The following BSND variants were observed in gnomAD, a reference collection of about 807,000 sequenced individuals.
The protein encoded by BSND is barttin CLCNK type accessory subunit beta, also known as barttin.
A neutral mutation model predicts 18.8 loss-of-function variants in BSND; 13 were observed. That is an observed-to-expected ratio of 0.69 (90% CI 0.45 to 1.10). The LOEUF (loss-of-function observed/expected upper bound fraction) is 1.10, where lower values mean the gene tolerates loss of function less well. BSND is among the 50% of genes least tolerant of loss of function. The pLI is 0.00. For synonymous variants in BSND, 170 were observed against 161.8 expected (o/e 1.05, Z -0.39); for missense variants, 379 against 416.7 (o/e 0.91, Z 0.79).
chr1:55,005,633 T>A (rs1644385853), intron 2 of BSND, among the ~76,000 whole-genome samples: 1 of 152,134 alleles, frequency 6.6e-6, no homozygotes, highest in Admixed American at 6.5e-5. Flanking sequence ...ATAGGCAGAG[T>A]GCTAAGAACA....
intron 1 of BSND, among the ~76,000 whole-genome samples, chr1:55,000,562 C>T (rs1644356552): frequency 6.6e-6 from 1 of 152,232 alleles, no homozygotes; most frequent in African/African-American, 2.4e-5. Context: ...CTCCTCCCAC[C>T]TGGGTGGCTG....
chr1:55,001,174 C>T (rs562976703), intron 1 of BSND, among the ~76,000 whole-genome samples: 12 of 150,152 alleles, frequency 8.0e-5, no homozygotes, highest in African/African-American at 2.5e-4. Flanking sequence ...GAGCCTTGTA[C>T]GGCTGATTGG....
chr1:55,005,205 G>A, intron 2 of BSND, 89 bp downstream of exon 2: 2 of 1,216,506 alleles, frequency 1.6e-6, no homozygotes, highest in Non-Finnish European at 1.2e-6. Context: ...GGGCAGGAAG[G>A]CTGTTTGCCT....
In BSND at chr1:55,009,439, C is replaced by G. The variant is rs1251804628; in HGVS notation, c.*811C>G. On this transcript the variant is annotated 3_prime_UTR_variant, in exon 4 of 4. Transcript: ENST00000651561. ...TGAAGGGCAGCATCTTGACTTTACT[C>G]ACCTTGAGATCGCCTGTGCCCAGAT... is the stretch of plus-strand genomic sequence containing the variant. The G allele has an allele frequency of 6.6e-6, 1 of 152,436 alleles. No homozygotes were observed. The highest frequency in any genetic ancestry group is 1.5e-5 in the Non-Finnish European group (1 of 68,210). The allele number at this position is 152,436 out of a possible 1,614,324, so 9.4% of individuals were successfully genotyped here.
In BSND at chr1:55,008,804, T is replaced by G; in HGVS notation, c.*176T>G. On this transcript the variant is annotated 3_prime_UTR_variant, in exon 4 of 4. Transcript: ENST00000651561. Reference sequence around the variant, plus strand: ...GGGGATGATGACTATTAGTGGACTCTTGTTTTTCCAATAGTTAGTGGTCTT... The same window carrying G: ...GGGGATGATGACTATTAGTGGACTCGTGTTTTTCCAATAGTTAGTGGTCTT... 1 of 941,396 alleles carries G rather than the reference T, an allele frequency of 1.1e-6. No individual in the cohort carries two copies. Among genetic ancestry groups the G allele is most frequent in the Non-Finnish European group, 1.6e-6 (1 of 623,954 alleles). The allele number at this position is 941,396 out of a possible 1,614,324, so 58.3% of individuals were successfully genotyped here. A position where few individuals can be genotyped will look rare whatever the true frequency, so the allele number is the denominator to read the frequency against.
chr1:55,009,162 G>C lies in BSND; in HGVS notation c.*534G>C, dbSNP rs1644408851. On this transcript the variant is annotated 3_prime_UTR_variant, in exon 4 of 4. Transcript: ENST00000651561. ...TGACCTCATTCTCTCTGCTCCTCCA[G>C]TTCCAAGCCTAGCCCCCCTGCCCAT... The C allele has an allele frequency of 5.7e-6, 1 of 174,772 alleles. No individual in the cohort carries two copies. Among genetic ancestry groups the C allele is most frequent in the Admixed American group, 5.6e-5 (1 of 17,830 alleles). The allele number at this position is 174,772 out of a possible 1,614,324, so 10.8% of individuals were successfully genotyped here. A position where few individuals can be genotyped will look rare whatever the true frequency, so the allele number is the denominator to read the frequency against.
At position 55,015,828 on chromosome 1, in the gene BSND, AC is replaced by A. The variant is rs1644447338; in HGVS notation, c.*7204del. Among the ~76,000 whole-genome samples, 1 of 152,038 alleles carries A rather than the reference AC, an allele frequency of 6.6e-6. No homozygotes were observed. ...CAGAGGGAAGCACGGCGGGGATCTG[AC>A]CCCACCTGGAGAGTCGGCAGGAGCT... On this transcript the variant is annotated 3_prime_UTR_variant, in exon 4 of 4. Transcript: ENST00000651561.
chr1:55,013,713 C>T lies in BSND; in HGVS notation c.*5085C>T, dbSNP rs1405032755. Among the ~76,000 whole-genome samples the T allele has an allele frequency of 6.6e-6, 1 of 152,196 alleles. No individual in the cohort carries two copies. Among genetic ancestry groups the T allele is most frequent in the Non-Finnish European group, 1.5e-5 (1 of 68,028 alleles). On this transcript the variant is annotated 3_prime_UTR_variant, in exon 4 of 4. Transcript: ENST00000651561. The stretch of plus-strand genomic sequence containing the variant: ...TGTGGAGGGAGACACCCCCCTGCAA[C>T]ATCTTCCATGACTGCCTATTGCCCA...
intron 1 of BSND, among the ~76,000 whole-genome samples, chr1:55,002,306 C>A (rs1644365229): frequency 6.6e-6 from 1 of 152,132 alleles, no homozygotes; most frequent in South Asian, 2.1e-4. Context: ...GGGATCAGGG[C>A]AAATCTAGTG....
At chr1:55,000,833 G>T (rs1382578412) in intron 1 of BSND, among the ~76,000 whole-genome samples, 1 of 152,226 alleles carries the variant, frequency 6.6e-6, no homozygotes, top group Non-Finnish European at 1.5e-5. Flanking sequence ...CCTTCTCCCA[G>T]TGAGGAGGCT....
rs535310907 is a variant in BSND at position 55,014,536 on chromosome 1, G to T, written c.*5908G>T. On this transcript the variant is annotated 3_prime_UTR_variant, in exon 4 of 4. Coordinates refer to ENST00000651561, the MANE Select transcript of BSND (RefSeq NM_057176.3). ...TTGCCTGCAGAGATGATGTTACAAT[G>T]TGTAGACATCAGGTGCCCATGTGCA... Among the ~76,000 whole-genome samples the T allele has an allele frequency of 1.3e-5, 2 of 152,236 alleles. No homozygotes were observed. Among genetic ancestry groups the T allele is most frequent in the Non-Finnish European group, 2.9e-5 (2 of 68,050 alleles).
Position 55,008,793 on chromosome 1 carries a change from T to A in BSND, c.*165T>A. ...ATACACAGGGAGGGGATGATGACTATTAGTGGACTCTTGTTTTTCCAATAG... is the reference window on the plus strand; with the variant it reads ...ATACACAGGGAGGGGATGATGACTAATAGTGGACTCTTGTTTTTCCAATAG... On this transcript the variant is annotated 3_prime_UTR_variant, in exon 4 of 4. Coordinates refer to ENST00000651561, the MANE Select transcript of BSND (RefSeq NM_057176.3). The A allele has an allele frequency of 9.6e-7, 1 of 1,038,928 alleles. No individual in the cohort carries two copies. Among genetic ancestry groups the A allele is most frequent in the South Asian group, 1.4e-5 (1 of 70,420 alleles). 64.4% of individuals were successfully genotyped at this position (1,038,928 alleles called of 1,614,324 possible).
rs2149037 is a variant in BSND, at chr1:55,015,443, C to A, written c.*6815C>A. Among the ~76,000 whole-genome samples, 59,595 of 151,912 alleles carry A rather than the reference C, an allele frequency of 0.39. 12,243 individuals are homozygous for A. The highest frequency in any genetic ancestry group is 0.47 in the Non-Finnish European group (31,956 of 67,914). ...GACCCAGGACAAGGGCAAATGAGGGCCCCAGTGACTCAGGAAGTCCCCAGG... is the reference window on the plus strand; with the variant it reads ...GACCCAGGACAAGGGCAAATGAGGGACCCAGTGACTCAGGAAGTCCCCAGG... On this transcript the variant is annotated 3_prime_UTR_variant, in exon 4 of 4. Transcript: ENST00000651561.
intron 2 of BSND, 112 bp from the exon 3 acceptor site, chr1:55,006,885 G>A: frequency 2.0e-6 from 3 of 1,501,398 alleles, no homozygotes; most frequent in Non-Finnish European, 2.8e-6. Flanking sequence ...TCCCCCAAAG[G>A]CTTCTTGTGA....
At chr1:55,000,519 T>C (rs1644356332) in intron 1 of BSND, among the ~76,000 whole-genome samples, 1 of 152,066 alleles carries the variant, frequency 6.6e-6, no homozygotes, top group South Asian at 2.1e-4. Context: ...GGGCTCCAGG[T>C]CCAGGCAGTC....
Position 55,005,104 on chromosome 1 carries a change from C to T in BSND, c.260C>T (p.Ala87Val). Residue 87 changes from alanine (A) to valine (V), a missense_variant, in exon 2 of 4, where the codon GCC (alanine) becomes GTC (valine). Physicochemically the swap from Ala to Val is moderately conservative, Grantham distance 64. Coordinates refer to ENST00000651561, the MANE Select transcript of BSND (RefSeq NM_057176.3). ...GGCCTGCTGGAGAATGGGCTTGCTG[C>T]CGAGATGAAGAGGTAGGTGCCAGGC... ...AMGLLENGLA[A>V]EMKSPSPQPP... is the part of the protein sequence containing the mutation. 6.2e-7 allele frequency: 1 copy of T among 1,614,106 alleles called. No homozygotes were observed. Among genetic ancestry groups the T allele is most frequent in the Non-Finnish European group, 8.5e-7 (1 of 1,180,000 alleles).
rs1469003143 is a variant in BSND at position 55,012,033 on chromosome 1, G to A, written c.*3405G>A. On this transcript the variant is annotated 3_prime_UTR_variant, in exon 4 of 4. Transcript: ENST00000651561. The stretch of plus-strand genomic sequence containing the variant: ...CTCTTGGTCACTCTCCTGTCAGGTT[G>A]GAGGGACTCTGGAAGTTTCCACCCT... Among the ~76,000 whole-genome samples the A allele has an allele frequency of 6.6e-6, 1 of 152,192 alleles. No homozygotes were observed. Among genetic ancestry groups the A allele is most frequent in the Admixed American group, 6.5e-5 (1 of 15,284 alleles).
In BSND at chr1:55,005,048, C is replaced by T; in HGVS notation, c.204C>T (p.Asp68=). 3 of 1,614,228 alleles carry T rather than the reference C, an allele frequency of 1.9e-6. No individual in the cohort carries two copies. Among genetic ancestry groups the T allele is most frequent in the Non-Finnish European group, 2.5e-6 (3 of 1,180,044 alleles). ...TCACCTTCGTCCCTGCTGACTCTGA[C>T]TTTCAAGGCATCCTCTCCCCAAAGG... The part of the protein sequence containing the change: ...PKITFVPADS[D]FQGILSPKAM... Residue 68 remains aspartate, a synonymous_variant, in exon 2 of 4, where the codon GAC becomes GAT. Coordinates refer to ENST00000651561, the MANE Select transcript of BSND (RefSeq NM_057176.3).
chr1:54,999,137 A>G lies in BSND; in HGVS notation c.-50A>G, dbSNP rs1453267535. 6.2e-7 allele frequency: 1 copy of G among 1,605,406 alleles called. No individual in the cohort carries two copies. ...TGTCTCGGTGTTTAGGCTGAACTAC[A>G]GCCACCCCCTCTCCCGGGGGTGTGC... On this transcript the variant is annotated 5_prime_UTR_variant, in exon 1 of 4. Transcript: ENST00000651561.
Sources: allele counts gnomAD v4.1 joint callset (sites outside exome capture counted in the v4.1 genomes callset), GRCh38; gene constraint gnomAD v4.1.1; transcripts MANE v1.5; gene names NCBI Gene and HGNC (gene_info 2026-07-23, HGNC 2026-07-21).